Variants in UBE3D observed in about 807,000 individuals in gnomAD.
UBE3D encodes ubiquitin protein ligase E3D.
UBE3D carries 48 observed loss-of-function variants against 49.6 expected under a neutral mutation model. The ratio of observed to expected loss-of-function variants is 0.97; its 90% CI spans 0.77 to 1.23. UBE3D has a LOEUF of 1.23. Ranked by LOEUF, UBE3D falls within the 50% of genes most tolerant of loss-of-function variation. UBE3D has a pLI of 0.00. For synonymous variants in UBE3D, 189 were observed against 174.2 expected (o/e 1.08, Z -0.67); for missense variants, 452 against 468.4 (o/e 0.96, Z 0.32).
At chr6:82,959,394 C>T (rs529951093) in intron 8 of UBE3D, among the ~76,000 whole-genome samples, 3 of 151,668 alleles carry the variant, frequency 2.0e-5, no homozygotes, top group South Asian at 2.1e-4. Context: ...ACCACCAGCC[C>T]GCAAACCTAG....
At chr6:83,019,709 G>C (rs1562192582) in intron 7 of UBE3D, among the ~76,000 whole-genome samples, 1 of 152,180 alleles carries the variant, frequency 6.6e-6, no homozygotes, top group Non-Finnish European at 1.5e-5. Flanking sequence ...ATGGGATAAG[G>C]CAGGGGAAAG....
At chr6:82,937,531 A>G (rs899609676) in intron 9 of UBE3D, among the ~76,000 whole-genome samples, 1 of 152,220 alleles carries the variant, frequency 6.6e-6, no homozygotes, top group African/African-American at 2.4e-5. Flanking sequence ...AGTGTGTGGG[A>G]AAGAACGAAG....
At chr6:82,990,717 T>C (rs1778826854) in intron 8 of UBE3D, among the ~76,000 whole-genome samples, 1 of 152,216 alleles carries the variant, frequency 6.6e-6, no homozygotes, top group Admixed American at 6.5e-5. Flanking sequence ...TAACTATTCC[T>C]CTACCTGCTC....
rs187757325 is a variant in UBE3D at position 82,949,491 on chromosome 6, C to G, written c.1149+7821G>C. On this transcript the variant is annotated intron_variant, in intron 9 of 9. Transcript: ENST00000369747. Reference sequence around the variant, plus strand: ...CAATCACTGCCTAAACAATGACATTCTTCAGAAATAGAAAAAAAAAATCTT... The same window carrying G: ...CAATCACTGCCTAAACAATGACATTGTTCAGAAATAGAAAAAAAAAATCTT... Among the ~76,000 whole-genome samples, 319 of 145,990 alleles carry G rather than the reference C, an allele frequency of 2.2e-3. 2 individuals carry two copies. The highest frequency in any genetic ancestry group is 7.4e-3 in the African/African-American group (294 of 39,516).
intron 9 of UBE3D, among the ~76,000 whole-genome samples, chr6:82,915,229 GA>G (rs1772833594): frequency 6.6e-6 from 1 of 152,148 alleles, no homozygotes; most frequent in Non-Finnish European, 1.5e-5. Flanking sequence ...ATGCCTCTAA[GA>G]CACAGCCTAA....
intron 8 of UBE3D, among the ~76,000 whole-genome samples, chr6:82,965,091 A>C (rs952884863): frequency 2.6e-5 from 4 of 152,188 alleles, no homozygotes; most frequent in African/African-American, 9.7e-5. Context: ...TGCCCATATG[A>C]CTGTAAGTTT....
intron 5 of UBE3D, chr6:83,032,392 C>G: frequency 2.5e-6 from 1 of 398,342 alleles, no homozygotes; most frequent in South Asian, 1.8e-5. Context: ...TGCATGGGGC[C>G]TTTAGCCCCT....
In UBE3D at chr6:83,034,747, A is replaced by G. The variant is rs116088709; in HGVS notation, c.667+3669T>C. On this transcript the variant is annotated intron_variant, in intron 5 of 9. Coordinates refer to ENST00000369747, the MANE Select transcript of UBE3D (RefSeq NM_198920.3). ...TAAGTTTCCTGAGGCCTTCCCAGCC[A>G]TATAGAACTGTGAGACAATTAAACC... 4.0e-3 allele frequency among the ~76,000 whole-genome samples: 615 copies of G among 152,316 alleles called. 7 individuals are homozygous for G. The highest frequency in any genetic ancestry group is 0.013 in the African/African-American group (552 of 41,570).
chr6:83,015,765 G>C (rs1042819494), intron 8 of UBE3D, among the ~76,000 whole-genome samples: 14 of 152,168 alleles, frequency 9.2e-5, no homozygotes, highest in African/African-American at 3.4e-4. Context: ...CCTGGCAACT[G>C]CCTCAGGGGA....
chr6:83,032,388 GGGCCTTTAGCCCCTTTGATTT>G (rs1781941968), intron 5 of UBE3D: 1 of 420,460 alleles, frequency 2.4e-6, no homozygotes, highest in Non-Finnish European at 4.8e-6. Context: ...GACTTGCATG[GGGCCTTTAGCCCCTTTGATTT>G]GGCCAATTTC....
At chr6:82,964,385 A>T (rs1776762177) in intron 8 of UBE3D, among the ~76,000 whole-genome samples, 1 of 152,210 alleles carries the variant, frequency 6.6e-6, no homozygotes, top group Non-Finnish European at 1.5e-5. Flanking sequence ...AACTCTACCA[A>T]AATTAAAATA....
At chr6:82,955,357 T>C (rs913308303) in intron 9 of UBE3D, among the ~76,000 whole-genome samples, 2 of 152,200 alleles carry the variant, frequency 1.3e-5, no homozygotes, top group African/African-American at 2.4e-5. Flanking sequence ...TTTCCCCCAA[T>C]ACGCCGTAAA....
chr6:83,060,197 C>A (rs1367373962), intron 1 of UBE3D, among the ~76,000 whole-genome samples: 1 of 152,052 alleles, frequency 6.6e-6, no homozygotes, highest in Non-Finnish European at 1.5e-5. Flanking sequence ...ATAACAGGGT[C>A]CAAGCAGGTG....
chr6:82,991,471 G>C (rs1165940656), intron 8 of UBE3D, among the ~76,000 whole-genome samples: 2 of 152,092 alleles, frequency 1.3e-5, no homozygotes, highest in African/African-American at 4.8e-5. Flanking sequence ...GGGTCAAGTA[G>C]TTTTTTATAA....
In UBE3D at chr6:82,970,076, ATATATATAAT is replaced by A. The variant is rs530386114; in HGVS notation, c.1011-12636_1011-12627del. 1.7e-3 allele frequency among the ~76,000 whole-genome samples: 252 copies of A among 148,138 alleles called. 1 individual carries two copies. Among genetic ancestry groups the A allele is most frequent in the South Asian group, 5.2e-3 (25 of 4,770 alleles). On this transcript the variant is annotated intron_variant, in intron 8 of 9. Transcript: ENST00000369747. ...ATATAATAGAACATGATATACTATT[ATATATATAAT>A]TATATATAATTATATATAATAGAAC...
At chr6:83,053,690 G>A (rs1783624163) in intron 3 of UBE3D, among the ~76,000 whole-genome samples, 1 of 152,188 alleles carries the variant, frequency 6.6e-6, no homozygotes, top group African/African-American at 2.4e-5. Context: ...TTTGTGCTCT[G>A]TATGCTCTGT....
intron 8 of UBE3D, among the ~76,000 whole-genome samples, chr6:82,959,211 C>G (rs1330205878): frequency 6.6e-6 from 1 of 151,080 alleles, no homozygotes; most frequent in East Asian, 1.9e-4. Flanking sequence ...CTTGTCAAGA[C>G]CCCTAACTGT....
chr6:83,065,482 C>A (rs6915334), intron 1 of UBE3D, among the ~76,000 whole-genome samples, 160 bp downstream of exon 1: 1 of 152,092 alleles, frequency 6.6e-6, no homozygotes, highest in African/African-American at 2.4e-5. Context: ...AGTGGCGGAG[C>A]CGACTACAGG....
intron 4 of UBE3D, 105 bp from the exon 5 acceptor site, chr6:83,038,590 T>C (rs1479424404): frequency 2.0e-6 from 2 of 976,938 alleles, no homozygotes; most frequent in East Asian, 2.7e-5. Flanking sequence ...TACATTTTAT[T>C]CTGCCCTCTA....
Sources: allele counts gnomAD v4.1 joint callset (sites outside exome capture counted in the v4.1 genomes callset), GRCh38; gene constraint gnomAD v4.1.1; transcripts MANE v1.5; gene names NCBI Gene and HGNC (gene_info 2026-07-23, HGNC 2026-07-21).